Variants in TENM4 observed in about 807,000 individuals in gnomAD.
The protein encoded by TENM4 is teneurin-4.
In TENM4, 82 loss-of-function variants were observed where a neutral mutation model predicts 243.3. The observed-to-expected ratio is 0.34, with a 90% CI of 0.28 to 0.40. The LOEUF (loss-of-function observed/expected upper bound fraction) is 0.40, where lower values mean the gene tolerates loss of function less well. TENM4 is among the 10% of genes least tolerant of loss of function. TENM4 has a pLI of 1.00. For missense variants in TENM4, 3,138 were observed against 3,673.3 expected (o/e 0.85, Z 3.77); for synonymous variants, 1,412 against 1,456.3 (o/e 0.97, Z 0.69).
chr11:79,215,673 A>G (rs1193462728), intron 3 of TENM4, 135 bp downstream of exon 3: 2 of 789,012 alleles, frequency 2.5e-6, no homozygotes, highest in African/African-American at 3.8e-5. Flanking sequence ...GAACTCCTCT[A>G]CTTTCTATGC....
intron 16 of TENM4, among the ~76,000 whole-genome samples, chr11:78,785,365 GAGGGACTCTGAGTGC>G (rs1391615305): frequency 3.9e-5 from 6 of 152,200 alleles, no homozygotes; most frequent in Non-Finnish European, 7.4e-5. Flanking sequence ...CAGATTAGGT[GAGGGACTCTGAGTGC>G]AGCTGCCACG....
intron 2 of TENM4, among the ~76,000 whole-genome samples, chr11:79,219,893 C>A (rs1015392828): frequency 6.6e-5 from 10 of 152,164 alleles, no homozygotes; most frequent in African/African-American, 2.4e-4. Flanking sequence ...AAGATGATGC[C>A]TTGAGTTAAG....
In TENM4 at chr11:79,163,882, A is replaced by T. The variant is rs1381861833; in HGVS notation, c.-162-15076T>A. On this transcript the variant is annotated intron_variant, in intron 3 of 33. Transcript: ENST00000278550. Reference sequence around the variant, plus strand: ...CACACATATATACACATATATGTACATATATTATATATGGATATATATCGT... The same window carrying T: ...CACACATATATACACATATATGTACTTATATTATATATGGATATATATCGT... 7.6e-5 allele frequency among the ~76,000 whole-genome samples: 11 copies of T among 144,522 alleles called. No individual in the cohort carries two copies. In the Admixed American group the frequency reaches 7.8e-4, roughly 10 times the overall value. 94.8% of individuals were successfully genotyped at this position (144,522 alleles called of 152,430 possible).
chr11:79,137,649 G>C (rs536090720), intron 4 of TENM4, among the ~76,000 whole-genome samples: 48 of 152,140 alleles, frequency 3.2e-4, no homozygotes, highest in Non-Finnish European at 1.3e-4. Flanking sequence ...TTAAAAACAC[G>C]TCTGCGCATA....
chr11:78,903,454 G>T lies in TENM4; in HGVS notation c.563C>A (p.Thr188Asn). The change falls in exon 7 of 34, where the codon ACC (threonine) becomes AAC (asparagine). Residue 188 changes from threonine to asparagine, a missense_variant. Physicochemically the swap from Thr to Asn is moderately conservative, Grantham distance 65. Transcript: ENST00000278550. ...GGAGGCCGCGTGGTGCTGGTTGGGGGTGTGGGCGTGCGAGAGCGGCGGCGG... is the reference window on the plus strand; with the variant it reads ...GGAGGCCGCGTGGTGCTGGTTGGGGTTGTGGGCGTGCGAGAGCGGCGGCGG... ...TPPPPLSHAH[T>N]PNQHHAASIN... 1 of 1,549,018 alleles carries T rather than the reference G, an allele frequency of 6.5e-7. No homozygotes were observed. The highest frequency in any genetic ancestry group is 8.7e-7 in the Non-Finnish European group (1 of 1,145,854).
At chr11:78,959,367 T>C (rs1857271137) in intron 6 of TENM4, among the ~76,000 whole-genome samples, 1 of 152,140 alleles carries the variant, frequency 6.6e-6, no homozygotes, top group Admixed American at 6.5e-5. Flanking sequence ...AAAAATCAAA[T>C]TAAAAACCAT....
In TENM4 at chr11:78,657,720, G is replaced by T; in HGVS notation, c.*338C>A. On this transcript the variant is annotated 3_prime_UTR_variant, in exon 34 of 34. Transcript: ENST00000278550. ...ACATCACACTGGGTACCTAGGGACA[G>T]ACGAGGACACACCCCAGGAGATGCA... 2.3e-6 allele frequency: 1 copy of T among 433,354 alleles called. No individual in the cohort carries two copies. The highest frequency in any genetic ancestry group is 4.3e-6 in the Non-Finnish European group (1 of 233,816). The allele number at this position is 433,354 out of a possible 1,614,324, so 26.8% of individuals were successfully genotyped here.
intron 1 of TENM4, among the ~76,000 whole-genome samples, chr11:79,385,835 A>G (rs1858101011): frequency 6.6e-6 from 1 of 152,136 alleles, no homozygotes; most frequent in African/African-American, 2.4e-5. Context: ...CTGTGGACAC[A>G]GGATCCCTGT....
intron 6 of TENM4, among the ~76,000 whole-genome samples, chr11:78,925,454 C>G (rs602653): frequency 7.9e-5 from 12 of 151,782 alleles, no homozygotes; most frequent in African/African-American, 2.9e-4. Flanking sequence ...GATTTTTGCC[C>G]TTCCTTATTT....
At position 78,880,472 on chromosome 11, in the gene TENM4, AAAAAAAAAAAAAAAAAAGAAAG is replaced by A. The variant is rs869116652; in HGVS notation, c.1084+9291_1084+9312del. The stretch of plus-strand genomic sequence containing the variant: ...CAATAAATACTAAAAAAAAAAAAAA[AAAAAAAAAAAAAAAAAAGAAAG>A]AAAAAATGGCCTGTGAAAAAGGCAG... On this transcript the variant is annotated intron_variant, in intron 9 of 33. Coordinates refer to ENST00000278550, the MANE Select transcript of TENM4 (RefSeq NM_001098816.3). Among the ~76,000 whole-genome samples, 3 of 44,460 alleles carry A rather than the reference AAAAAAAAAAAAAAAAAAGAAAG, an allele frequency of 6.7e-5. No individual in the cohort carries two copies. The East Asian group carries it at 0.011, about 162-fold the overall frequency. 29.2% of individuals were successfully genotyped at this position (44,460 alleles called of 152,430 possible).
chr11:78,976,880 A>G (rs1857669309), intron 6 of TENM4, among the ~76,000 whole-genome samples: 1 of 152,220 alleles, frequency 6.6e-6, no homozygotes, highest in African/African-American at 2.4e-5. Flanking sequence ...GCATTTGCCA[A>G]ATACCTTTTG....
At chr11:79,334,682 C>T (rs1038010438) in intron 1 of TENM4, among the ~76,000 whole-genome samples, 17 of 152,330 alleles carry the variant, frequency 1.1e-4, no homozygotes, top group African/African-American at 4.1e-4. Flanking sequence ...AAAAGATAGT[C>T]TAAGTGTCCT....
chr11:79,116,517 TAAAATAG>T (rs1861625296), intron 4 of TENM4, among the ~76,000 whole-genome samples: 1 of 2,656 alleles, frequency 3.8e-4, no homozygotes, highest in Admixed American at 1.5e-3. Flanking sequence ...TGTGAAATAG[TAAAATAG>T]TATTGTAGCC....
chr11:79,020,597 A>G (rs1353456664), intron 6 of TENM4, among the ~76,000 whole-genome samples: 1 of 128,526 alleles, frequency 7.8e-6, no homozygotes, highest in Non-Finnish European at 1.6e-5. Flanking sequence ...CCTGGAATGT[A>G]AATGCAATTT....
chr11:79,385,646 T>C (rs373888696), intron 1 of TENM4, among the ~76,000 whole-genome samples: 1 of 152,238 alleles, frequency 6.6e-6, no homozygotes, highest in East Asian at 1.9e-4. Flanking sequence ...TTTTCTAAAG[T>C]AAATTTGCTT....
At chr11:78,842,113 A>C (rs1385121308) in intron 12 of TENM4, among the ~76,000 whole-genome samples, 1 of 152,156 alleles carries the variant, frequency 6.6e-6, no homozygotes, top group Non-Finnish European at 1.5e-5. Flanking sequence ...CCAAGTCAAG[A>C]CCTACTTACC....
intron 4 of TENM4, among the ~76,000 whole-genome samples, chr11:79,078,712 G>A (rs1010928066): frequency 6.6e-6 from 1 of 152,222 alleles, no homozygotes; most frequent in Non-Finnish European, 1.5e-5. Flanking sequence ...CAGTGAGACA[G>A]TGATTATAAT....
intron 4 of TENM4, among the ~76,000 whole-genome samples, chr11:79,139,785 T>TTATTTATATAAATATATAATATATATTA (rs1862246788): frequency 5.2e-5 from 1 of 19,094 alleles, no homozygotes; most frequent in African/African-American, 2.4e-4. Context: ...ATAATATATA[T>TTATTTATATAAATATATAATATATATTA]TATATTTATA....
At chr11:79,250,338 A>G (rs1413940881) in intron 2 of TENM4, among the ~76,000 whole-genome samples, 1 of 152,240 alleles carries the variant, frequency 6.6e-6, no homozygotes, top group Non-Finnish European at 1.5e-5. Flanking sequence ...GTGAGGCTAA[A>G]TGAGATAATC....
Sources: allele counts gnomAD v4.1 joint callset (sites outside exome capture counted in the v4.1 genomes callset), GRCh38; gene constraint gnomAD v4.1.1; transcripts MANE v1.5; gene names NCBI Gene and HGNC (gene_info 2026-07-23, HGNC 2026-07-21).